Variants in NLN observed in about 807,000 individuals in gnomAD.
The protein encoded by NLN is neurolysin, mitochondrial.
NLN carries 64 observed loss-of-function variants against 79.9 expected under a neutral mutation model. That is an observed-to-expected ratio of 0.80 (90% CI 0.65 to 0.99). NLN has a LOEUF of 0.99. NLN is among the 50% of genes least tolerant of loss of function. The pLI is 0.00. For synonymous variants in NLN, 267 were observed against 296.6 expected (o/e 0.90, Z 1.02); for missense variants, 835 against 858.7 (o/e 0.97, Z 0.34).
chr5:65,761,535 A>G (rs1194912586), intron 2 of NLN, among the ~76,000 whole-genome samples: 1 of 151,964 alleles, frequency 6.6e-6, no homozygotes, highest in African/African-American at 2.4e-5. Context: ...CAGATGATCC[A>G]CCTGCCTCAG....
chr5:65,749,004 C>T (rs905521843), intron 1 of NLN, among the ~76,000 whole-genome samples: 2 of 152,188 alleles, frequency 1.3e-5, no homozygotes, highest in South Asian at 4.1e-4. Context: ...GTGAATAAGT[C>T]TCACGAGATC....
intron 1 of NLN, among the ~76,000 whole-genome samples, chr5:65,727,559 T>C (rs550924117): frequency 8.1e-4 from 124 of 152,194 alleles, no homozygotes; most frequent in African/African-American, 2.9e-3. Context: ...ACCTCTATAT[T>C]GCCATAGCAA....
Position 65,809,653 on chromosome 5 carries a change from G to T in NLN, c.1666G>T (p.Ala556Ser), listed in dbSNP as rs2150773788. 1 of 1,613,164 alleles carries T rather than the reference G, an allele frequency of 6.2e-7. No individual in the cohort carries two copies. Among genetic ancestry groups the T allele is most frequent in the Non-Finnish European group, 8.5e-7 (1 of 1,179,790 alleles). The change falls in exon 10 of 13, where the codon GCA becomes TCA. Residue 556 changes from alanine (A) to serine (S), a missense_variant. Physicochemically the swap from Ala to Ser is moderately conservative, Grantham distance 99. Transcript: ENST00000380985. ...SKHYKDGSPI[A>S]DDLLEKLVAS... ...ACATTATAAAGATGGAAGCCCTATT[G>T]CAGACGATCTGCTTGAAAAACTTGT...
Position 65,827,458 on chromosome 5 carries a change from A to G in NLN, c.*4543A>G, listed in dbSNP as rs1760941946. The G allele has an allele frequency of 6.6e-6, 1 of 152,206 alleles. No homozygotes were observed. Among genetic ancestry groups the G allele is most frequent in the Non-Finnish European group, 1.5e-5 (1 of 68,036 alleles). 9.4% of individuals were successfully genotyped at this position (152,206 alleles called of 1,614,324 possible). A position where few individuals can be genotyped will look rare whatever the true frequency, so the allele number is the denominator to read the frequency against. ...GCATTTGTCATGAGAGAAACTGGCT[A>G]GAAATAGTTTGTTCATTGCGTCCAG... is the stretch of plus-strand genomic sequence containing the variant. On this transcript the variant is annotated 3_prime_UTR_variant, in exon 13 of 13. Coordinates refer to ENST00000380985, the MANE Select transcript of NLN (RefSeq NM_020726.5).
At chr5:65,770,366 A>G (rs181690421) in intron 3 of NLN, among the ~76,000 whole-genome samples, 1 of 152,344 alleles carries the variant, frequency 6.6e-6, no homozygotes, top group African/African-American at 2.4e-5. Context: ...TGGGCAAATG[A>G]TATGTAGAAA....
intron 1 of NLN, among the ~76,000 whole-genome samples, chr5:65,739,458 A>T (rs1475609077): frequency 6.6e-6 from 1 of 152,202 alleles, no homozygotes; most frequent in Non-Finnish European, 1.5e-5. Flanking sequence ...GTCTATTGTG[A>T]ATAATATATA....
intron 4 of NLN, among the ~76,000 whole-genome samples, chr5:65,779,125 G>A (rs1452366611): frequency 6.6e-6 from 1 of 152,174 alleles, no homozygotes; most frequent in Non-Finnish European, 1.5e-5. Flanking sequence ...TAGGTCAGTA[G>A]TCTCAAATTT....
At chr5:65,787,833 T>G (rs1023525122) in intron 7 of NLN, among the ~76,000 whole-genome samples, 13 of 152,172 alleles carry the variant, frequency 8.5e-5, no homozygotes, top group African/African-American at 3.1e-4. Context: ...GAGATAAACT[T>G]GAGCTTTGGT....
chr5:65,743,517 C>T (rs1215858204), intron 1 of NLN, among the ~76,000 whole-genome samples: 2 of 152,190 alleles, frequency 1.3e-5, no homozygotes, highest in African/African-American at 4.8e-5. Flanking sequence ...TACTCTACAT[C>T]AATTCCATTA....
intron 9 of NLN, among the ~76,000 whole-genome samples, chr5:65,800,618 G>A (rs1760264330): frequency 6.6e-6 from 1 of 152,092 alleles, no homozygotes; most frequent in South Asian, 2.1e-4. Context: ...GCAGTGAGCT[G>A]AGATTCTGCC....
At chr5:65,797,294 A>G (rs996594728) in intron 9 of NLN, among the ~76,000 whole-genome samples, 12 of 152,258 alleles carry the variant, frequency 7.9e-5, no homozygotes, top group Non-Finnish European at 1.5e-4. Flanking sequence ...AAGGAAACAC[A>G]TAAGAATTAC....
rs370161319 is a variant in NLN, at chr5:65,754,187, A to G, written c.42-4380A>G. On this transcript the variant is annotated intron_variant, in intron 1 of 12. Coordinates refer to ENST00000380985, the MANE Select transcript of NLN (RefSeq NM_020726.5). ...ATAACTGGAATGGTCAGGCTTTACA[A>G]TTAGTTGATCTATGGGCTCTATGGT... Among the ~76,000 whole-genome samples the G allele has an allele frequency of 3.3e-5, 5 of 152,312 alleles. No individual in the cohort carries two copies. The East Asian group carries it at 7.7e-4, about 23-fold the overall frequency.
At chr5:65,792,830 T>A (rs994706577) in intron 9 of NLN, 175 bp downstream of exon 9, 1 of 674,176 alleles carries the variant, frequency 1.5e-6, no homozygotes, top group African/African-American at 1.8e-5. Context: ...TCACAACATA[T>A]TTTTACTTGG....
At chr5:65,764,029 T>C (rs886602857) in intron 3 of NLN, among the ~76,000 whole-genome samples, 5 of 152,168 alleles carry the variant, frequency 3.3e-5, no homozygotes, top group Non-Finnish European at 5.9e-5. Context: ...TTGCTCCTTT[T>C]GACCACAGTT....
intron 1 of NLN, among the ~76,000 whole-genome samples, chr5:65,725,528 T>C (rs975795477): frequency 6.6e-6 from 1 of 152,242 alleles, no homozygotes; most frequent in African/African-American, 2.4e-5. Context: ...CTTCCTAATG[T>C]TGACATATTT....
At chr5:65,795,687 AAAAT>A (rs1358699774) in intron 9 of NLN, among the ~76,000 whole-genome samples, 1 of 152,150 alleles carries the variant, frequency 6.6e-6, no homozygotes, top group African/African-American at 2.4e-5. Context: ...ACTCTGTCTC[AAAAT>A]AAATAAATAA....
rs1194538038 is a variant in NLN, at chr5:65,810,208, C to G, written c.1843+43C>G. 3 of 1,582,872 alleles carry G rather than the reference C, an allele frequency of 1.9e-6. No individual in the cohort carries two copies. The African/African-American group carries it at 4.0e-5, about 21-fold the overall frequency. ...ATTGAGTTCATTTCTCTGTGAAGCA[C>G]AGGGCGTTCTCCTAACACTGCAGGG... On this transcript the variant is annotated intron_variant, in intron 11 of 12. Coordinates refer to ENST00000380985, the MANE Select transcript of NLN (RefSeq NM_020726.5).
At chr5:65,751,841 T>TG (rs1759109340) in intron 1 of NLN, among the ~76,000 whole-genome samples, 3 of 152,144 alleles carry the variant, frequency 2.0e-5, no homozygotes, top group African/African-American at 7.2e-5. Context: ...ACACTATTAT[T>TG]ATGATGATGA....
At chr5:65,787,091 A>G (rs1189465652) in intron 7 of NLN, among the ~76,000 whole-genome samples, 1 of 152,158 alleles carries the variant, frequency 6.6e-6, no homozygotes, top group East Asian at 1.9e-4. Flanking sequence ...ATTCATTTAA[A>G]GGAGTTTTCC....
Sources: gnomAD v4.1 joint callset for allele counts (sites outside exome capture counted in the v4.1 genomes callset) on GRCh38, gnomAD v4.1.1 for gene constraint, MANE v1.5 for transcripts, NCBI Gene and HGNC (gene_info 2026-07-23, HGNC 2026-07-21) for gene names.